SLCO3A1: variants seen among roughly 807,000 people sequenced by gnomAD.
The protein encoded by SLCO3A1 is PGE1 transporter.
In SLCO3A1, 27 loss-of-function variants were observed where a neutral mutation model predicts 63.1. That is an observed-to-expected ratio of 0.43 (90% confidence interval 0.32 to 0.59). SLCO3A1 has a LOEUF of 0.59. Ranked by LOEUF, SLCO3A1 falls within the 20% of genes least tolerant of loss-of-function variation. The pLI, the probability that SLCO3A1 is intolerant of heterozygous loss-of-function variation, is 0.09. For synonymous variants in SLCO3A1, 473 were observed against 409.9 expected (o/e 1.15, Z -1.86); for missense variants, 773 against 945.8 (o/e 0.82, Z 2.40).
Position 91,926,269 on chromosome 15 carries a change from CAAACA to C in SLCO3A1, c.646+9815_646+9819del, listed in dbSNP as rs1899006963. Among the ~76,000 whole-genome samples the C allele has an allele frequency of 8.5e-5, 13 of 152,292 alleles. No individual in the cohort carries two copies. In the South Asian group the frequency reaches 2.7e-3, roughly 32 times the overall value. On this transcript the variant is annotated intron_variant, in intron 2 of 9. Transcript: ENST00000318445. The stretch of plus-strand genomic sequence containing the variant: ...CACCTTTCTCCCTACCTATCAAAAA[CAAACA>C]AAAGTATTTAAAAATAACCTGTTGG...
intron 1 of SLCO3A1, among the ~76,000 whole-genome samples, chr15:91,909,048 G>A (rs557308744): frequency 3.9e-5 from 6 of 152,306 alleles, no homozygotes; most frequent in South Asian, 2.1e-4. Context: ...GCAACAGAGC[G>A]CGACTCTGTC....
Position 91,886,485 on chromosome 15 carries a change from C to T in SLCO3A1, c.181-29508C>T, listed in dbSNP as rs936880364. ...CAGCAGTGCTCCATGCCTAGAAGGC[C>T]CCAGTGAGCATTGACTTGGACCTGG... On this transcript the variant is annotated intron_variant, in intron 1 of 9. Coordinates refer to ENST00000318445, the MANE Select transcript of SLCO3A1 (RefSeq NM_013272.4). This position sits in a 1 kb window ranked among gnomAD's most constrained non-coding sequence, Gnocchi z 4.9. Among the ~76,000 whole-genome samples the T allele has an allele frequency of 2.6e-5, 4 of 152,120 alleles. No individual in the cohort carries two copies. The highest frequency in any genetic ancestry group is 6.5e-5 in the Admixed American group (1 of 15,270).
At chr15:91,965,470 G>C (rs1329803720) in intron 2 of SLCO3A1, among the ~76,000 whole-genome samples, 1 of 152,136 alleles carries the variant, frequency 6.6e-6, no homozygotes, top group East Asian at 1.9e-4. Flanking sequence ...GGCCTCTGAG[G>C]CTCTCTAAAA....
At chr15:92,126,376 G>T (rs1411193797) in intron 6 of SLCO3A1, 117 bp downstream of exon 6, 1 of 772,996 alleles carries the variant, frequency 1.3e-6, no homozygotes, top group East Asian at 2.6e-5. Context: ...ACGCATCACG[G>T]CTGCCTCTGC....
intron 2 of SLCO3A1, among the ~76,000 whole-genome samples, chr15:92,047,739 G>A (rs1410120031): frequency 2.1e-5 from 3 of 145,936 alleles, no homozygotes; most frequent in Admixed American, 1.5e-4. Flanking sequence ...GATTCGAATC[G>A]TTCATCCTTT....
chr15:92,168,727 T>C (rs370011315), downstream of SLCO3A1, among the ~76,000 whole-genome samples: 4 of 152,232 alleles, frequency 2.6e-5, no homozygotes, highest in East Asian at 5.8e-4. Context: ...AGACTCTTAA[T>C]TCAGATATCT....
At chr15:91,895,326 C>T (rs1897976683) in intron 1 of SLCO3A1, among the ~76,000 whole-genome samples, 1 of 152,102 alleles carries the variant, frequency 6.6e-6, no homozygotes, top group Non-Finnish European at 1.5e-5. Context: ...AAAGTGGTTC[C>T]TCTAGCTGTG....
At chr15:91,976,502 C>T (rs898855084) in intron 2 of SLCO3A1, among the ~76,000 whole-genome samples, 1 of 152,118 alleles carries the variant, frequency 6.6e-6, no homozygotes, top group African/African-American at 2.4e-5. Context: ...AGCCATGTAC[C>T]AATTGCATTC....
In SLCO3A1 at chr15:92,128,488, C is replaced by T. The variant is rs759055291; in HGVS notation, c.1511C>T (p.Thr504Met). Reference protein sequence around the residue: ...LSACFAGCNSTNLTGCACLTT... With the variant: ...LSACFAGCNSMNLTGCACLTT... ...GCCTGCTTTGCTGGCTGCAACAGCA[C>T]GGTAATGGGATGGGGCAGGGGATGG... The change falls in exon 7 of 10, where the codon ACG becomes ATG. Residue 504 changes from threonine (T) to methionine (M), a missense_variant and splice_region_variant. Thr to Met is a moderately conservative substitution (Grantham distance 81, BLOSUM62 -1). Around this residue, in one of 3 missense-constraint regions of SLCO3A1, gnomAD observed 565 missense variants for 749.8 expected, o/e 0.75. Transcript: ENST00000318445. 16 of 1,612,706 alleles carry T rather than the reference C, an allele frequency of 9.9e-6. No individual in the cohort carries two copies. Among genetic ancestry groups the T allele is most frequent in the African/African-American group, 2.7e-5 (2 of 74,858 alleles).
Position 92,165,061 on chromosome 15 carries a change from C to T in SLCO3A1, c.*1926C>T. 2 of 985,372 alleles carry T rather than the reference C, an allele frequency of 2.0e-6. No homozygotes were observed. Among genetic ancestry groups the T allele is most frequent in the Non-Finnish European group, 2.4e-6 (2 of 829,880 alleles). 61.0% of individuals were successfully genotyped at this position (985,372 alleles called of 1,614,324 possible). A position where few individuals can be genotyped will look rare whatever the true frequency, so the allele number is the denominator to read the frequency against. ...AAGTAAAAAATGGTTGGGAGTGGGA[C>T]AGGTATGGTACCGAATTTTTAATGA... On this transcript the variant is annotated 3_prime_UTR_variant, in exon 10 of 10. Transcript: ENST00000318445.
intron 2 of SLCO3A1, among the ~76,000 whole-genome samples, chr15:92,023,667 CT>C (rs1385716033): frequency 6.6e-6 from 1 of 152,128 alleles, no homozygotes; most frequent in Admixed American, 6.5e-5. Context: ...CGGGATTTCA[CT>C]TTGTTGCCCA....
intron 3 of SLCO3A1, among the ~76,000 whole-genome samples, chr15:92,103,088 T>C (rs1043251472): frequency 5.3e-5 from 8 of 152,198 alleles, no homozygotes; most frequent in Non-Finnish European, 1.2e-4. Context: ...TAATGCTAGC[T>C]GAGGAGTCTT....
intron 4 of SLCO3A1, among the ~76,000 whole-genome samples, chr15:92,116,827 C>A (rs1417370558): frequency 1.3e-5 from 2 of 151,970 alleles, no homozygotes; most frequent in Admixed American, 6.6e-5. Flanking sequence ...GGAGGAAGAA[C>A]TTGGAAGGAA....
intron 7 of SLCO3A1, among the ~76,000 whole-genome samples, chr15:92,134,633 G>A (rs1056852845): frequency 7.9e-5 from 12 of 152,272 alleles, no homozygotes; most frequent in South Asian, 4.1e-4. Context: ...CCATCCATTC[G>A]TAGATGGATA....
In SLCO3A1 at chr15:92,071,889, G is replaced by A. The variant is rs544032351; in HGVS notation, c.647-22992G>A. Reference sequence around the variant, plus strand: ...TTAGTCGTAATCTGGGGGCCTGGGCGTGATGAGCTCTTGTTCCTTCTACTG... The same window carrying A: ...TTAGTCGTAATCTGGGGGCCTGGGCATGATGAGCTCTTGTTCCTTCTACTG... On this transcript the variant is annotated intron_variant, in intron 2 of 9. Transcript: ENST00000318445. Among the ~76,000 whole-genome samples the A allele has an allele frequency of 1.9e-4, 29 of 152,354 alleles. 1 individual carries two copies. Among genetic ancestry groups the A allele is most frequent in the Admixed American group, 1.1e-3 (17 of 15,310 alleles).
intron 2 of SLCO3A1, among the ~76,000 whole-genome samples, chr15:92,048,917 G>A (rs1030012417): frequency 6.6e-6 from 1 of 152,186 alleles, no homozygotes; most frequent in Non-Finnish European, 1.5e-5. Context: ...TTGTGAAGCA[G>A]GTTCTTTCAC....
chr15:91,969,230 T>G (rs1231494511), intron 2 of SLCO3A1, among the ~76,000 whole-genome samples: 1 of 152,204 alleles, frequency 6.6e-6, no homozygotes, highest in African/African-American at 2.4e-5. Context: ...TGGTGTAGAA[T>G]ATCTGACTAC....
Position 92,120,488 on chromosome 15 carries a change from C to A in SLCO3A1, c.1033C>A (p.Leu345Met). Residue 345 changes from leucine (L) to methionine (M), a missense_variant, in exon 5 of 10, where the codon CTG (leucine) becomes ATG (methionine). Physicochemically the swap from Leu to Met is conservative, Grantham distance 15. Around this residue, in one of 3 missense-constraint regions of SLCO3A1, gnomAD observed 565 missense variants for 749.8 expected, o/e 0.75. Coordinates refer to ENST00000318445, the MANE Select transcript of SLCO3A1 (RefSeq NM_013272.4). ...AGTGATCCCGAAGGTCACCAAGCAC[C>A]TGCTCTCAAACCCTGTGTTCACCTG... ...LRVIPKVTKH[L>M]LSNPVFTCII... The A allele has an allele frequency of 6.2e-7, 1 of 1,614,140 alleles. No individual in the cohort carries two copies. Among genetic ancestry groups the A allele is most frequent in the South Asian group, 1.1e-5 (1 of 91,076 alleles).
At chr15:92,169,406 C>T (rs74028867), downstream of SLCO3A1, among the ~76,000 whole-genome samples, 21,213 of 152,192 alleles carry the variant, frequency 0.14, 1,866 homozygotes, top group East Asian at 0.3. Context: ...TCAAGAAGAC[C>T]CTGGCCCGAG....
Sources: allele counts gnomAD v4.1 joint callset (sites outside exome capture counted in the v4.1 genomes callset), GRCh38; gene constraint gnomAD v4.1.1; regional missense constraint gnomAD v4.1.1; non-coding constraint Gnocchi (gnomAD v3.1); transcripts MANE v1.5; gene names NCBI Gene and HGNC (gene_info 2026-07-23, HGNC 2026-07-21).